The following LMBRD1 variants were observed in gnomAD, a reference collection of about 807,000 sequenced individuals.
The protein encoded by LMBRD1 is lysosomal cobalamin transport escort protein LMBD1.
LMBRD1 carries 64 observed loss-of-function variants against 74.8 expected under a neutral mutation model. That is an observed-to-expected ratio of 0.86 (90% CI 0.70 to 1.05). LMBRD1 has a LOEUF of 1.05. Ranked by LOEUF, LMBRD1 falls within the 50% of genes least tolerant of loss-of-function variation. LMBRD1 has a pLI of 0.00. For synonymous variants in LMBRD1, 204 were observed against 216.3 expected, an observed-to-expected ratio of 0.94 and a Z score of 0.50; for missense variants, 652 against 645.9, an observed-to-expected ratio of 1.01 and a Z score of -0.10.
At chr6:69,691,147 C>CT (rs67075550) in intron 14 of LMBRD1, among the ~76,000 whole-genome samples, 3,633 of 138,462 alleles carry the variant, frequency 0.026, 128 homozygotes, top group African/African-American at 0.086. Context: ...GCCTCTCTCT[C>CT]TCTTTTTTTT....
At chr6:69,724,742 G>A (rs75233780) in intron 7 of LMBRD1, among the ~76,000 whole-genome samples, 155 of 151,946 alleles carry the variant, frequency 1.0e-3, no homozygotes, top group African/African-American at 3.5e-3. Flanking sequence ...AGCCATATAT[G>A]TGAGGTCCAC....
At chr6:69,727,514 T>C (rs1766761826) in intron 7 of LMBRD1, among the ~76,000 whole-genome samples, 1 of 152,188 alleles carries the variant, frequency 6.6e-6, no homozygotes, top group South Asian at 2.1e-4. Flanking sequence ...AATGTATACT[T>C]TGGTGAAATA....
intron 3 of LMBRD1, among the ~76,000 whole-genome samples, chr6:69,772,633 C>T (rs569789982): frequency 6.6e-6 from 1 of 152,110 alleles, no homozygotes; most frequent in South Asian, 2.1e-4. Flanking sequence ...ATTAAGAATA[C>T]TTTCTTTTAA....
At chr6:69,693,526 A>G (rs1640753265) in intron 14 of LMBRD1, among the ~76,000 whole-genome samples, 1 of 152,028 alleles carries the variant, frequency 6.6e-6, no homozygotes, top group African/African-American at 2.4e-5. Flanking sequence ...AAAGAATTTT[A>G]ATTTTAACAC....
chr6:69,706,974 G>T (rs1457492), intron 9 of LMBRD1, among the ~76,000 whole-genome samples: 55,046 of 151,962 alleles, frequency 0.36, 10,560 homozygotes, highest in East Asian at 0.54. Context: ...GGTCTCACAG[G>T]CCCAAAACCA....
intron 3 of LMBRD1, among the ~76,000 whole-genome samples, chr6:69,772,043 GA>G (rs781446394): frequency 5.3e-5 from 8 of 151,804 alleles, no homozygotes; most frequent in Non-Finnish European, 8.8e-5. Flanking sequence ...CTATCCACAA[GA>G]AAAAAAACCT....
intron 2 of LMBRD1, among the ~76,000 whole-genome samples, chr6:69,783,160 T>C (rs758437486): frequency 6.6e-6 from 1 of 152,042 alleles, no homozygotes; most frequent in Non-Finnish European, 1.5e-5. Context: ...TACCCAAACA[T>C]ATTATAGAAA....
chr6:69,725,309 C>T (rs1253222147), intron 7 of LMBRD1, among the ~76,000 whole-genome samples: 1 of 149,668 alleles, frequency 6.7e-6, no homozygotes, highest in East Asian at 2.0e-4. Context: ...AGATTCAATG[C>T]AATCCCTATC....
At chr6:69,719,839 A>T (rs1017593275) in intron 7 of LMBRD1, among the ~76,000 whole-genome samples, 1 of 152,166 alleles carries the variant, frequency 6.6e-6, no homozygotes, top group Non-Finnish European at 1.5e-5. Flanking sequence ...TATGTACTTA[A>T]ATGTTTTTCA....
At chr6:69,791,331 T>C (rs1027536792) in intron 1 of LMBRD1, among the ~76,000 whole-genome samples, 1 of 152,222 alleles carries the variant, frequency 6.6e-6, no homozygotes, top group South Asian at 2.1e-4. Flanking sequence ...TCCAGGGCTG[T>C]ATTTTGAGAA....
chr6:69,760,899 T>C (rs957073804), intron 3 of LMBRD1, among the ~76,000 whole-genome samples: 1 of 152,166 alleles, frequency 6.6e-6, no homozygotes, highest in South Asian at 2.1e-4. Context: ...TCTCAACCCA[T>C]GTGAGAGAGC....
In LMBRD1 at chr6:69,719,027, C is replaced by T. The variant is rs972453644; in HGVS notation, c.691G>A (p.Ala231Thr). 1 of 1,613,104 alleles carries T rather than the reference C, an allele frequency of 6.2e-7. No individual in the cohort carries two copies. The highest frequency in any genetic ancestry group is 1.3e-5 in the African/African-American group (1 of 75,016). ...LNLIKGTRSA[A>T]YERLENTEDI... is the part of the protein sequence containing the mutation. ...TCAGTGTTTTCCAAACGTTCATAAG[C>T]AGCGCTTCTAGTGCCTTTTATCAGA... The change falls in exon 8 of 16, where the codon GCT becomes ACT. Residue 231 changes from alanine to threonine, a missense_variant. Ala to Thr is a moderately conservative substitution (Grantham distance 58). This residue lies in a region of LMBRD1 where 598 missense variants were observed against 581.8 expected (regional missense o/e 1.03). Coordinates refer to ENST00000649934, the MANE Select transcript of LMBRD1 (RefSeq NM_018368.4).
intron 14 of LMBRD1, among the ~76,000 whole-genome samples, chr6:69,677,516 CAGA>C (rs1449068331): frequency 6.6e-6 from 1 of 151,988 alleles, no homozygotes; most frequent in East Asian, 1.9e-4. Context: ...GAAAGGGGAA[CAGA>C]AGAAAGAAGG....
chr6:69,728,890 C>A (rs74558196), intron 7 of LMBRD1, among the ~76,000 whole-genome samples: 1,990 of 152,256 alleles, frequency 0.013, 41 homozygotes, highest in African/African-American at 0.046. Flanking sequence ...AGGCAGCTAG[C>A]CATGCAGGAA....
At chr6:69,789,075 A>C (rs1582166784) in intron 2 of LMBRD1, among the ~76,000 whole-genome samples, 1 of 152,370 alleles carries the variant, frequency 6.6e-6, no homozygotes, top group African/African-American at 2.4e-5. Flanking sequence ...TATCTTTATA[A>C]CATTACAATG....
chr6:69,774,391 A>G (rs899654842), intron 3 of LMBRD1, among the ~76,000 whole-genome samples: 1 of 152,208 alleles, frequency 6.6e-6, no homozygotes. Flanking sequence ...GGCTAATAAC[A>G]TGAGGAATTG....
At chr6:69,761,428 A>G (rs1337220007) in intron 3 of LMBRD1, among the ~76,000 whole-genome samples, 1 of 152,206 alleles carries the variant, frequency 6.6e-6, no homozygotes, top group Non-Finnish European at 1.5e-5. Context: ...TATAAGCCTT[A>G]GTCCTTCATA....
At chr6:69,709,165 C>T (rs1392419318) in intron 9 of LMBRD1, among the ~76,000 whole-genome samples, 2 of 151,528 alleles carry the variant, frequency 1.3e-5, no homozygotes, top group Non-Finnish European at 2.9e-5. Context: ...ACCTGGGAGG[C>T]GGAGCTTGCG....
intron 1 of LMBRD1, among the ~76,000 whole-genome samples, chr6:69,792,707 T>C (rs1432402729): frequency 1.3e-5 from 2 of 152,256 alleles, no homozygotes; most frequent in Non-Finnish European, 2.9e-5. Flanking sequence ...AAATTCATTC[T>C]GAAGTCTTTG....
Sources: allele counts gnomAD v4.1 joint callset (sites outside exome capture counted in the v4.1 genomes callset), GRCh38; gene constraint gnomAD v4.1.1; regional missense constraint gnomAD v4.1.1; transcripts MANE v1.5; gene names NCBI Gene and HGNC (gene_info 2026-07-23, HGNC 2026-07-21).